Variants in PRMT2 observed in about 807,000 individuals in gnomAD.
PRMT2 encodes the protein protein arginine methyltransferase 2.
In PRMT2, 26 loss-of-function variants were observed where a neutral mutation model predicts 57.6. The ratio of observed to expected loss-of-function variants is 0.45; its 90% CI spans 0.33 to 0.63. The LOEUF is 0.63. Ranked by LOEUF, PRMT2 falls within the 20% of genes least tolerant of loss-of-function variation. PRMT2 has a pLI of 0.02. For synonymous variants in PRMT2, 219 were observed against 220.0 expected, an observed-to-expected ratio of 1.00 and a Z score of 0.04; for missense variants, 472 against 564.4, an observed-to-expected ratio of 0.84 and a Z score of 1.66.
chr21:46,663,434 C>T lies in PRMT2; in HGVS notation c.1149C>T (p.Val383=). Residue 383 remains valine (V), a synonymous_variant, in exon 11 of 12, where the codon GTC becomes GTT. Transcript: ENST00000355680. The part of the protein sequence containing the change: ...TLFMMDDPVP[V]HTGDVVTGSV... ...TCATGATGGACGACCCAGTCCCTGT[C>T]CATACAGGAGACGTGGTCACGGGTT... 6.2e-7 allele frequency: 1 copy of T among 1,614,180 alleles called. No individual in the cohort carries two copies. The highest frequency in any genetic ancestry group is 8.5e-7 in the Non-Finnish European group (1 of 1,180,008).
chr21:46,661,744 C>G, intron 9 of PRMT2, 56 bp from the exon 10 acceptor site: 1 of 1,278,354 alleles, frequency 7.8e-7, no homozygotes, highest in Non-Finnish European at 1.0e-6. Flanking sequence ...CGCCCCAACC[C>G]GGGCCCTGCG....
chr21:46,657,377 A>C (rs1016900954), intron 7 of PRMT2: 4 of 24,278 alleles, frequency 1.6e-4, no homozygotes, highest in African/African-American at 7.3e-4. Flanking sequence ...TTATAATTGC[A>C]AAAAAAAAAA....
intron 3 of PRMT2, 56 bp from the exon 4 acceptor site, chr21:46,643,475 CAAAA>C (rs34541039): frequency 3.0e-4 from 375 of 1,232,074 alleles, no homozygotes; most frequent in South Asian, 9.8e-4. Flanking sequence ...ATAATATAGC[CAAAA>C]AAAAAAAAAA....
rs757274260 is a variant in PRMT2, at chr21:46,648,429, C to T, written c.328-29C>T. On this transcript the variant is annotated intron_variant, in intron 5 of 11. Coordinates refer to ENST00000355680, the MANE Select transcript of PRMT2 (RefSeq NM_206962.4). The surrounding 1 kb of genome is among the most constrained non-coding windows in gnomAD (Gnocchi z 4.8). ...CCTCAGCATGGCTCTAGGTCACAGG[C>T]AGTGATTCTGAATGTGCATTTCTTC... The T allele has an allele frequency of 1.9e-6, 3 of 1,611,080 alleles. No individual in the cohort carries two copies. The highest frequency in any genetic ancestry group is 2.2e-5 in the South Asian group (2 of 90,742).
chr21:46,652,813 G>A, intron 7 of PRMT2: 1 of 1,254,800 alleles, frequency 8.0e-7, no homozygotes, highest in Non-Finnish European at 1.0e-6. Context: ...CAAAGCAGGT[G>A]ACAATTGAGC....
intron 7 of PRMT2, chr21:46,650,030 C>T (rs761720214): frequency 1.1e-5 from 15 of 1,338,144 alleles, no homozygotes; most frequent in South Asian, 4.8e-5. Context: ...CTGTGCCTAA[C>T]AGGTAAGGCT....
chr21:46,644,464 G>A lies in PRMT2; in HGVS notation c.303G>A (p.Glu101=), dbSNP rs1271940569. 1.3e-6 allele frequency: 2 copies of A among 1,588,412 alleles called. No homozygotes were observed. Among genetic ancestry groups the A allele is most frequent in the South Asian group, 1.2e-5 (1 of 86,954 alleles). The stretch of plus-strand genomic sequence containing the variant: ...CCGAGGACACGTGGCAGGATGAAGA[G>A]TACTTCGGCAGCTATGGAACTCTGG... ...YDPEDTWQDE[E]YFGSYGTLKL... The change falls in exon 5 of 12, where the codon GAG becomes GAA. Residue 101 remains glutamate (E), a synonymous_variant. Coordinates refer to ENST00000355680, the MANE Select transcript of PRMT2 (RefSeq NM_206962.4).
chr21:46,643,712 A>G, intron 4 of PRMT2, 73 bp downstream of exon 4: 3 of 1,495,496 alleles, frequency 2.0e-6, no homozygotes, highest in Non-Finnish European at 2.7e-6. Flanking sequence ...AATTTTGCAG[A>G]CGTCACACCA....
chr21:46,656,493 A>T (rs1430670727), intron 7 of PRMT2, among the ~76,000 whole-genome samples: 1 of 152,228 alleles, frequency 6.6e-6, no homozygotes. Context: ...AGGGACAGAC[A>T]CGTAAGTCAA....
chr21:46,645,542 C>T (rs541005223), intron 5 of PRMT2, among the ~76,000 whole-genome samples: 5 of 152,166 alleles, frequency 3.3e-5, no homozygotes, highest in Admixed American at 6.5e-5. Context: ...GCCTATAACC[C>T]GATGGTCCAG....
rs138242337 is a variant in PRMT2 at position 46,649,162 on chromosome 21, G to A, written c.490-413G>A. 9.1e-4 allele frequency among the ~76,000 whole-genome samples: 139 copies of A among 152,324 alleles called. 1 individual carries two copies. The highest frequency in any genetic ancestry group is 3.0e-3 in the African/African-American group (124 of 41,562). ...AGGACCCAGGACCCAGCGCTTGGGT[G>A]CTTCCCACCAGACCCTTCCCTGAGA... On this transcript the variant is annotated intron_variant, in intron 6 of 11. Coordinates refer to ENST00000355680, the MANE Select transcript of PRMT2 (RefSeq NM_206962.4). The surrounding 1 kb of genome is among the most constrained non-coding windows in gnomAD (Gnocchi z 4.8).
Position 46,664,584 on chromosome 21 carries a change from C to T in PRMT2, c.*257C>T, listed in dbSNP as rs910440801. On this transcript the variant is annotated 3_prime_UTR_variant, in exon 12 of 12. Coordinates refer to ENST00000355680, the MANE Select transcript of PRMT2 (RefSeq NM_206962.4). ...AGTAGGCTGTGTTTCCAGGTGTTCA[C>T]CCGTGGTGCCCACAGTGCCGACCCG... 2 of 575,146 alleles carry T rather than the reference C, an allele frequency of 3.5e-6. No individual in the cohort carries two copies. Among genetic ancestry groups the T allele is most frequent in the Non-Finnish European group, 6.2e-6 (2 of 321,490 alleles). The allele number at this position is 575,146 out of a possible 1,614,324, so 35.6% of individuals were successfully genotyped here.
In PRMT2 at chr21:46,648,065, G is replaced by A. The variant is rs1326500219; in HGVS notation, c.328-393G>A. 6.6e-6 allele frequency among the ~76,000 whole-genome samples: 1 copy of A among 152,042 alleles called. No individual in the cohort carries two copies. The highest frequency in any genetic ancestry group is 1.9e-4 in the East Asian group (1 of 5,198). On this transcript the variant is annotated intron_variant, in intron 5 of 11. Coordinates refer to ENST00000355680, the MANE Select transcript of PRMT2 (RefSeq NM_206962.4). This position sits in a 1 kb window ranked among gnomAD's most constrained non-coding sequence, Gnocchi z 4.8. The stretch of plus-strand genomic sequence containing the variant: ...TTTGTTGTGCTTTCTCCTTTAGTAG[G>A]TACTGCATGGAATGTTTATGTTAAT...
In PRMT2 at chr21:46,649,060, G is replaced by C. The variant is rs2061409612; in HGVS notation, c.489+441G>C. ...GGCCGTCTATACTGTGCTGAGCTGAGCCGAGCTGCAGCCTTGGAGACTCCT... is the reference window on the plus strand; with the variant it reads ...GGCCGTCTATACTGTGCTGAGCTGACCCGAGCTGCAGCCTTGGAGACTCCT... On this transcript the variant is annotated intron_variant, in intron 6 of 11. Coordinates refer to ENST00000355680, the MANE Select transcript of PRMT2 (RefSeq NM_206962.4). The surrounding 1 kb of genome is among the most constrained non-coding windows in gnomAD (Gnocchi z 4.8). 6.6e-6 allele frequency among the ~76,000 whole-genome samples: 1 copy of C among 152,242 alleles called. No homozygotes were observed. The highest frequency in any genetic ancestry group is 6.5e-5 in the Admixed American group (1 of 15,304).
intron 7 of PRMT2, chr21:46,653,632 C>A (rs944103873): frequency 4.2e-6 from 5 of 1,202,108 alleles, no homozygotes; most frequent in Non-Finnish European, 5.2e-6. Context: ...TGTTTTATGC[C>A]TTGATATTTC....
At chr21:46,652,338 A>G (rs2061472701) in intron 7 of PRMT2, 1 of 1,162,410 alleles carries the variant, frequency 8.6e-7, no homozygotes, top group Non-Finnish European at 1.1e-6. Flanking sequence ...ATACATTAGC[A>G]CAGCTAAAAA....
chr21:46,643,473 G>GT lies in PRMT2; in HGVS notation c.40-62_40-61insT, dbSNP rs1322906915. On this transcript the variant is annotated intron_variant, in intron 3 of 11. Coordinates refer to ENST00000355680, the MANE Select transcript of PRMT2 (RefSeq NM_206962.4). ...AATTTGAAACCATCCTAATAATATAGCCAAAAAAAAAAAAAAAAAGCTCCA... is the reference window on the plus strand; with the variant it reads ...AATTTGAAACCATCCTAATAATATAGTCCAAAAAAAAAAAAAAAAAGCTCCA... The GT allele has an allele frequency of 3.1e-5, 22 of 709,442 alleles. No homozygotes were observed. The African/African-American group carries it at 5.6e-4, about 18-fold the overall frequency. 43.9% of individuals were successfully genotyped at this position (709,442 alleles called of 1,614,324 possible).
chr21:46,646,126 C>T (rs1021916523), intron 5 of PRMT2, among the ~76,000 whole-genome samples: 2 of 152,096 alleles, frequency 1.3e-5, no homozygotes, highest in Non-Finnish European at 2.9e-5. Context: ...CTGGGACCAG[C>T]GTGGCTGAGT....
chr21:46,661,758 C>A, intron 9 of PRMT2, 42 bp from the exon 10 acceptor site: 1 of 1,295,926 alleles, frequency 7.7e-7, no homozygotes. Context: ...CCCTGCGGTG[C>A]CACGCGGTGC....
Sources: gnomAD v4.1 joint callset for allele counts (sites outside exome capture counted in the v4.1 genomes callset) on GRCh38, gnomAD v4.1.1 for gene constraint, Gnocchi (gnomAD v3.1) non-coding constraint, MANE v1.5 for transcripts, NCBI Gene and HGNC (gene_info 2026-07-23, HGNC 2026-07-21) for gene names.